The following DENND11 variants were observed in gnomAD, a reference collection of about 807,000 sequenced individuals.
The protein encoded by DENND11 is DENN domain-containing protein 11.
In DENND11, 34 loss-of-function variants were observed where a neutral mutation model predicts 49.2. The observed-to-expected ratio is 0.69, with a 90% CI of 0.53 to 0.92. DENND11 has a LOEUF of 0.92. Ranked by LOEUF, DENND11 falls within the 40% of genes least tolerant of loss-of-function variation. The pLI, the probability that DENND11 is intolerant of heterozygous loss-of-function variation, is 0.00. For missense variants in DENND11, 475 were observed against 581.6 expected, an observed-to-expected ratio of 0.82 and a Z score of 1.88; for synonymous variants, 238 against 230.3, an observed-to-expected ratio of 1.03 and a Z score of -0.30.
intron 1 of DENND11, among the ~76,000 whole-genome samples, chr7:141,690,583 T>C (rs534149401): frequency 4.6e-5 from 7 of 152,336 alleles, no homozygotes; most frequent in Non-Finnish European, 5.9e-5. Context: ...GTTCCTCTGA[T>C]TGAACTTTGA....
chr7:141,701,467 G>A (rs2117088623), intron 1 of DENND11: 1 of 148,474 alleles, frequency 6.7e-6, no homozygotes, highest in African/African-American at 2.5e-5. Flanking sequence ...GGGGAGCTCA[G>A]GGCGCTCGCC....
At chr7:141,664,881 G>T (rs376917519) in intron 7 of DENND11, 23 bp downstream of exon 7, 2 of 1,601,084 alleles carry the variant, frequency 1.2e-6, no homozygotes, top group Admixed American at 3.4e-5. Flanking sequence ...GGAGCCCCTG[G>T]TTCTCCCCTT....
chr7:141,678,574 T>A (rs1047893179), intron 3 of DENND11, among the ~76,000 whole-genome samples: 3 of 152,194 alleles, frequency 2.0e-5, no homozygotes, highest in Non-Finnish European at 4.4e-5. Flanking sequence ...ATCCATATGG[T>A]TATATCTATA....
At chr7:141,662,892 G>A (rs1313265431) in intron 8 of DENND11, 41 bp from the exon 9 acceptor site, 4 of 1,448,668 alleles carry the variant, frequency 2.8e-6, no homozygotes, top group Non-Finnish European at 3.7e-6. Flanking sequence ...AAGCGGGGGG[G>A]AATAAAAAGC....
intron 4 of DENND11, among the ~76,000 whole-genome samples, chr7:141,670,330 A>G (rs765811968): frequency 3.9e-5 from 6 of 152,168 alleles, no homozygotes; most frequent in East Asian, 1.9e-4. Context: ...CAGTGTAATC[A>G]TATCACATGT....
At chr7:141,666,234 C>A in intron 5 of DENND11, 53 bp downstream of exon 5, 1 of 1,516,752 alleles carries the variant, frequency 6.6e-7, no homozygotes, top group Admixed American at 1.9e-5. Context: ...AAGACTCAAG[C>A]AGTTTCTGCT....
Position 141,662,758 on chromosome 7 carries a change from G to A in DENND11, c.1266C>T (p.Gly422=). The A allele has an allele frequency of 6.2e-7, 1 of 1,610,830 alleles. No homozygotes were observed. Among genetic ancestry groups the A allele is most frequent in the Admixed American group, 1.7e-5 (1 of 59,518 alleles). ...DKTLTAEHAR[G]MGLDPQGDRS... ...GGTCTCCTTGGGGGTCTAGGCCCAT[G>A]CCCCGGGCATGCTCTGCTGTCAGAG... The change falls in exon 9 of 9, where the codon GGC becomes GGT. Residue 422 remains glycine, a synonymous_variant. Coordinates refer to ENST00000536163, the MANE Select transcript of DENND11 (RefSeq NM_001080392.2).
intron 7 of DENND11, 77 bp downstream of exon 7, chr7:141,664,827 A>C: frequency 6.9e-7 from 1 of 1,445,966 alleles, no homozygotes. Context: ...GGCAGAAGAC[A>C]GGCTTTGCAG....
In DENND11 at chr7:141,657,360, C is replaced by A. The variant is rs1443041603; in HGVS notation, c.*5296G>T. 1 of 152,150 alleles carries A rather than the reference C, an allele frequency of 6.6e-6. No individual in the cohort carries two copies. The highest frequency in any genetic ancestry group is 1.9e-4 in the East Asian group (1 of 5,202). The allele number at this position is 152,150 out of a possible 1,614,324, so 9.4% of individuals were successfully genotyped here. On this transcript the variant is annotated 3_prime_UTR_variant, in exon 9 of 9. Coordinates refer to ENST00000536163, the MANE Select transcript of DENND11 (RefSeq NM_001080392.2). ...CTTCACTTGACAGTCTTTGTGGACA[C>A]GTTAGACCCAAACTTTTTTTTGTAT...
At position 141,685,420 on chromosome 7, in the gene DENND11, C is replaced by T. The variant is rs934816520; in HGVS notation, c.527+58G>A. 7 of 1,592,018 alleles carry T rather than the reference C, an allele frequency of 4.4e-6. No homozygotes were observed. In the South Asian group the frequency reaches 6.7e-5, roughly 15 times the overall value. On this transcript the variant is annotated intron_variant, in intron 3 of 8. Coordinates refer to ENST00000536163, the MANE Select transcript of DENND11 (RefSeq NM_001080392.2). ...AAATGCTGTCTCCGAGGGCTCGTGC[C>T]ATATGCACCAGCTGGTGGATCCTGC...
At chr7:141,675,404 T>C (rs1418547997) in intron 3 of DENND11, among the ~76,000 whole-genome samples, 1 of 152,184 alleles carries the variant, frequency 6.6e-6, no homozygotes, top group Admixed American at 6.5e-5. Context: ...GGCACTTTGT[T>C]ATGCAGCCCC....
intron 1 of DENND11, 46 bp downstream of exon 1, chr7:141,701,840 G>C: frequency 1.7e-6 from 2 of 1,160,066 alleles, no homozygotes; most frequent in Non-Finnish European, 1.1e-6. Flanking sequence ...AAAGCTCGGG[G>C]GCACCCCGAC....
At chr7:141,674,805 G>A (rs1454813592) in intron 3 of DENND11, among the ~76,000 whole-genome samples, 2 of 152,132 alleles carry the variant, frequency 1.3e-5, no homozygotes, top group Non-Finnish European at 2.9e-5. Context: ...TTCTCTGCCC[G>A]CTCCACCAGC....
chr7:141,671,205 C>G lies in DENND11; in HGVS notation c.681+2862G>C, dbSNP rs147617131. On this transcript the variant is annotated intron_variant, in intron 4 of 8. Coordinates refer to ENST00000536163, the MANE Select transcript of DENND11 (RefSeq NM_001080392.2). ...TATTTATTTATTTATTTAGAGAAGT[C>G]TCACTCTGTTGCCCAGGTTGGAGTG... 4.0e-3 allele frequency among the ~76,000 whole-genome samples: 607 copies of G among 152,290 alleles called. 4 individuals are homozygous for G. The highest frequency in any genetic ancestry group is 0.014 in the African/African-American group (564 of 41,552).
intron 1 of DENND11, among the ~76,000 whole-genome samples, chr7:141,694,418 GC>G (rs1798378281): frequency 6.6e-6 from 1 of 152,200 alleles, no homozygotes. Context: ...GCGCCACCAT[GC>G]CGGGCTAATT....
At chr7:141,686,789 G>T in intron 1 of DENND11, 131 bp from the exon 2 acceptor site, 1 of 643,804 alleles carries the variant, frequency 1.6e-6, no homozygotes, top group Admixed American at 2.6e-5. Context: ...CCAGCGAGAT[G>T]CTCAGAGCTC....
intron 3 of DENND11, among the ~76,000 whole-genome samples, chr7:141,685,030 ATATAT>A (rs1407313185): frequency 1.5e-3 from 100 of 67,696 alleles, no homozygotes; most frequent in South Asian, 4.3e-3. Flanking sequence ...AAAAAAAAAA[ATATAT>A]ATATATATAT....
chr7:141,701,394 A>C (rs1186661537), intron 1 of DENND11, among the ~76,000 whole-genome samples: 4 of 39,930 alleles, frequency 1.0e-4, no homozygotes, highest in East Asian at 1.0e-3. Context: ...GTGGGGGGCG[A>C]GCGGGGAGCG....
At chr7:141,663,107 T>C in intron 8 of DENND11, 1 of 364,822 alleles carries the variant, frequency 2.7e-6, no homozygotes. Flanking sequence ...CAAAATCCAT[T>C]TTCCTGTTGA....
Sources: allele counts gnomAD v4.1 joint callset (sites outside exome capture counted in the v4.1 genomes callset), GRCh38; gene constraint gnomAD v4.1.1; transcripts MANE v1.5; gene names NCBI Gene and HGNC (gene_info 2026-07-23, HGNC 2026-07-21).